The following SLC30A6 variants were observed in gnomAD, a reference collection of about 807,000 sequenced individuals.
SLC30A6 encodes solute carrier family 30 member 6.
Under a neutral mutation model 63.0 loss-of-function variants are expected in SLC30A6, and 55 were observed. The observed-to-expected ratio is 0.87, with a 90% CI of 0.70 to 1.09. SLC30A6 has a LOEUF of 1.09. Ranked by LOEUF, SLC30A6 falls within the 50% of genes least tolerant of loss-of-function variation. The pLI, the probability that SLC30A6 is intolerant of heterozygous loss-of-function variation, is 0.00. For missense variants in SLC30A6, 587 were observed against 549.2 expected, an observed-to-expected ratio of 1.07 and a Z score of -0.69; for synonymous variants, 224 against 186.1, an observed-to-expected ratio of 1.20 and a Z score of -1.66.
At chr2:32,199,417 T>C (rs1314317743) in intron 10 of SLC30A6, among the ~76,000 whole-genome samples, 2 of 152,222 alleles carry the variant, frequency 1.3e-5, no homozygotes, top group African/African-American at 4.8e-5. Context: ...ATTTATTTAA[T>C]TTTTTATTTT....
intron 10 of SLC30A6, among the ~76,000 whole-genome samples, chr2:32,200,155 T>A (rs1161322299): frequency 5.9e-5 from 9 of 152,074 alleles, no homozygotes; most frequent in Non-Finnish European, 8.8e-5. Flanking sequence ...ATTTGTCCCC[T>A]CTTTCCCATT....
intron 13 of SLC30A6, among the ~76,000 whole-genome samples, chr2:32,212,541 A>G (rs1685336771): frequency 6.6e-6 from 1 of 150,492 alleles, no homozygotes; most frequent in South Asian, 2.1e-4. Flanking sequence ...GTGAACGAAG[A>G]AAGATTTTTG....
At chr2:32,214,302 G>C (rs56220216) in intron 13 of SLC30A6, among the ~76,000 whole-genome samples, 1 of 152,096 alleles carries the variant, frequency 6.6e-6, no homozygotes, top group Non-Finnish European at 1.5e-5. Context: ...TTAATTTTTA[G>C]AAGTTTTTGT....
At chr2:32,179,839 G>T (rs1558380204) in intron 4 of SLC30A6, among the ~76,000 whole-genome samples, 1 of 152,154 alleles carries the variant, frequency 6.6e-6, no homozygotes, top group Non-Finnish European at 1.5e-5. Context: ...AATAATAGGT[G>T]TCTTTGAAGA....
At position 32,192,958 on chromosome 2, in the gene SLC30A6, G is replaced by T. The variant is rs890085081; in HGVS notation, c.401+5G>T. 6 of 1,503,272 alleles carry T rather than the reference G, an allele frequency of 4.0e-6. No individual in the cohort carries two copies. The highest frequency in any genetic ancestry group is 5.4e-6 in the Non-Finnish European group (6 of 1,106,736). 93.1% of individuals were successfully genotyped at this position (1,503,272 alleles called of 1,614,324 possible). On this transcript the variant is annotated splice_donor_5th_base_variant and intron_variant, in intron 7 of 13. Transcript: ENST00000282587. ...GGAACAGCCCGAGATACACACGTGA[G>T]ATTTTATTTTCAATATATAATTTAC... is the stretch of plus-strand genomic sequence containing the variant.
At chr2:32,189,281 C>CTTTT (rs61221362) in intron 5 of SLC30A6, among the ~76,000 whole-genome samples, 16 of 114,862 alleles carry the variant, frequency 1.4e-4, no homozygotes, top group South Asian at 2.8e-4. Flanking sequence ...TTGATACTGT[C>CTTTT]TTTTTTTTTT....
At chr2:32,203,785 G>A in intron 10 of SLC30A6, 2 of 1,491,034 alleles carry the variant, frequency 1.3e-6, no homozygotes, top group South Asian at 2.3e-5. Flanking sequence ...CAAATTACCT[G>A]AAATTGAAGA....
At chr2:32,166,007 C>A in intron 1 of SLC30A6, 104 bp downstream of exon 1, 2 of 1,523,604 alleles carry the variant, frequency 1.3e-6, no homozygotes, top group South Asian at 1.1e-5. Context: ...GAGGAGGGGT[C>A]ATTGGAGTTG....
Position 32,196,247 on chromosome 2 carries a change from G to A in SLC30A6, c.497-1097G>A, listed in dbSNP as rs376541109. On this transcript the variant is annotated intron_variant, in intron 8 of 13. Coordinates refer to ENST00000282587, the MANE Select transcript of SLC30A6 (RefSeq NM_017964.5). ...GGAGAATCCCTTGAACCCGGTAGGCGGAGGTTGCAGTGAGCCGAGATCACG... is the reference window on the plus strand; with the variant it reads ...GGAGAATCCCTTGAACCCGGTAGGCAGAGGTTGCAGTGAGCCGAGATCACG... Among the ~76,000 whole-genome samples the A allele has an allele frequency of 8.5e-5, 13 of 152,094 alleles. No homozygotes were observed. The East Asian group carries it at 1.5e-3, about 18-fold the overall frequency.
intron 13 of SLC30A6, among the ~76,000 whole-genome samples, chr2:32,218,579 CAG>C (rs1397075940): frequency 7.0e-6 from 1 of 143,268 alleles, no homozygotes; most frequent in South Asian, 2.4e-4. Flanking sequence ...TGTTTTGTGA[CAG>C]AGTCTTGTTC....
At chr2:32,191,133 C>T (rs1178660663) in intron 5 of SLC30A6, among the ~76,000 whole-genome samples, 1 of 152,170 alleles carries the variant, frequency 6.6e-6, no homozygotes, top group Non-Finnish European at 1.5e-5. Flanking sequence ...CTTTGCCTTC[C>T]TTCACATTTT....
At chr2:32,207,016 C>A in intron 12 of SLC30A6, 83 bp downstream of exon 12, 1 of 1,134,464 alleles carries the variant, frequency 8.8e-7, no homozygotes, top group Non-Finnish European at 1.3e-6. Context: ...TTATTCAACT[C>A]TACCTAGAAT....
At chr2:32,180,925 A>G (rs923076283) in intron 4 of SLC30A6, among the ~76,000 whole-genome samples, 9 of 152,338 alleles carry the variant, frequency 5.9e-5, no homozygotes, top group African/African-American at 1.2e-4. Context: ...GAGGCTCACA[A>G]TCTGCCATAT....
At chr2:32,212,118 T>C (rs911086791) in intron 13 of SLC30A6, among the ~76,000 whole-genome samples, 1 of 151,978 alleles carries the variant, frequency 6.6e-6, no homozygotes, top group African/African-American at 2.4e-5. Flanking sequence ...TTCCTTTTGA[T>C]TTTTTTTAAC....
chr2:32,210,657 G>C (rs2148897018), intron 13 of SLC30A6, among the ~76,000 whole-genome samples: 1 of 151,192 alleles, frequency 6.6e-6, no homozygotes, highest in East Asian at 1.9e-4. Flanking sequence ...AAAACAGATA[G>C]GGTTTGATTT....
At chr2:32,210,385 C>T (rs906191316) in intron 13 of SLC30A6, among the ~76,000 whole-genome samples, 2 of 151,828 alleles carry the variant, frequency 1.3e-5, no homozygotes, top group African/African-American at 2.4e-5. Flanking sequence ...GGGTGTGGCA[C>T]ACGCCTGTAA....
At chr2:32,191,125 T>C (rs955466450) in intron 5 of SLC30A6, among the ~76,000 whole-genome samples, 6 of 152,232 alleles carry the variant, frequency 3.9e-5, no homozygotes, top group African/African-American at 1.4e-4. Context: ...AAGGTTATCT[T>C]TGCCTTCCTT....
rs144039198 is a variant in SLC30A6, at chr2:32,180,595, G to A, written c.219-3678G>A. Among the ~76,000 whole-genome samples the A allele has an allele frequency of 4.8e-3, 735 of 151,996 alleles. 3 individuals carry two copies. The highest frequency in any genetic ancestry group is 7.7e-3 in the Non-Finnish European group (522 of 67,984). ...TTACAGGCACCCACCACCATGCCCG[G>A]CTAATTTTTGTATTTTTAGTGGAGA... On this transcript the variant is annotated intron_variant, in intron 4 of 13. Coordinates refer to ENST00000282587, the MANE Select transcript of SLC30A6 (RefSeq NM_017964.5).
intron 10 of SLC30A6, chr2:32,203,716 AAGTC>A (rs1355998173): frequency 1.3e-6 from 2 of 1,530,094 alleles, no homozygotes; most frequent in Non-Finnish European, 1.8e-6. Flanking sequence ...TCCTACAACT[AAGTC>A]AGAAAGGTTA....
Sources: allele counts gnomAD v4.1 joint callset (sites outside exome capture counted in the v4.1 genomes callset), GRCh38; gene constraint gnomAD v4.1.1; transcripts MANE v1.5; gene names NCBI Gene and HGNC (gene_info 2026-07-23, HGNC 2026-07-21).